The following IL13RA1 variants were observed in gnomAD, a reference collection of about 807,000 sequenced individuals.
IL13RA1 encodes interleukin-13 receptor subunit alpha-1.
IL13RA1 carries 14 observed loss-of-function variants against 33.8 expected under a neutral mutation model. The ratio of observed to expected loss-of-function variants is 0.41; its 90% confidence interval spans 0.27 to 0.65. The LOEUF (loss-of-function observed/expected upper bound fraction) is 0.65, where lower values mean the gene tolerates loss of function less well. IL13RA1 is among the 30% of genes least tolerant of loss of function. The pLI is 0.28. For synonymous variants in IL13RA1, 116 were observed against 115.7 expected (o/e 1.00, Z -0.02); for missense variants, 313 against 327.0 (o/e 0.96, Z 0.33).
intron 5 of IL13RA1, 112 bp from the exon 6 acceptor site, chrX:118,761,026 A>G (rs773663916): frequency 4.8e-6 from 2 of 420,562 alleles, no homozygotes; most frequent in South Asian, 1.2e-4. Flanking sequence ...TTTTCAGTTC[A>G]TGGTTGGTTG....
intron 1 of IL13RA1, among the ~76,000 whole-genome samples, chrX:118,736,323 G>C (rs1054811471): frequency 5.4e-5 from 6 of 110,322 alleles, no homozygotes; most frequent in Admixed American, 4.8e-4. Context: ...ATAGTTTCCT[G>C]GTTTTTTTGT....
intron 10 of IL13RA1, among the ~76,000 whole-genome samples, chrX:118,781,572 G>A (rs1017488271): frequency 1.8e-5 from 2 of 111,958 alleles, no homozygotes; most frequent in African/African-American, 3.2e-5. Flanking sequence ...GGCTGGTCTC[G>A]AACTCCTGAC....
chrX:118,803,915 TTCCTTC>T, the IL13RA1 span, among the ~76,000 whole-genome samples: 16 of 96,266 alleles, frequency 1.7e-4, no homozygotes, highest in East Asian at 3.2e-4. Flanking sequence ...CCTTCCTTCC[TTCCTTC>T]CTCTCTCTCT....
the IL13RA1 span, among the ~76,000 whole-genome samples, chrX:118,800,901 C>T: frequency 2.0e-3 from 229 of 111,828 alleles, no homozygotes; most frequent in Middle Eastern, 4.7e-3. Context: ...GTTCTCCTAC[C>T]TCAGCCTTCC....
chrX:118,741,606 G>T (rs2147369002), intron 2 of IL13RA1, among the ~76,000 whole-genome samples: 1 of 111,853 alleles, frequency 8.9e-6, no homozygotes, highest in Non-Finnish European at 1.9e-5. Context: ...AAAGTAAGTT[G>T]TCAGTGGCAG....
At chrX:118,788,005 A>T (rs2017938119) in intron 10 of IL13RA1, among the ~76,000 whole-genome samples, 1 of 112,107 alleles carries the variant, frequency 8.9e-6, no homozygotes, top group Non-Finnish European at 1.9e-5. Flanking sequence ...AAAGATAGGC[A>T]TAGGAAGTTA....
downstream of IL13RA1, among the ~76,000 whole-genome samples, chrX:118,795,243 A>G (rs1055726461): frequency 3.0e-4 from 33 of 109,834 alleles, no homozygotes; most frequent in African/African-American, 9.8e-4. Flanking sequence ...AAAAGAAAAA[A>G]AAATCAGTTT....
At chrX:118,771,221 C>CA (rs2017715961) in intron 8 of IL13RA1, among the ~76,000 whole-genome samples, 1 of 105,282 alleles carries the variant, frequency 9.5e-6, no homozygotes, top group South Asian at 4.3e-4. Context: ...TCAAATAACT[C>CA]AATCAAGATC....
the IL13RA1 span, among the ~76,000 whole-genome samples, chrX:118,802,459 T>C: frequency 8.9e-6 from 1 of 112,093 alleles, no homozygotes; most frequent in African/African-American, 3.2e-5. Context: ...TGGTAGGTTA[T>C]GTATCAACCC....
intron 10 of IL13RA1, among the ~76,000 whole-genome samples, chrX:118,781,432 A>C (rs1453340207): frequency 1.6e-4 from 18 of 111,043 alleles, no homozygotes; most frequent in African/African-American, 5.6e-4. Flanking sequence ...GGCTCACTGC[A>C]AACTTTGCCT....
chrX:118,795,237 GAAA>G (rs1168591911), downstream of IL13RA1, among the ~76,000 whole-genome samples: 43 of 94,131 alleles, frequency 4.6e-4, no homozygotes, highest in Admixed American at 1.6e-3. Flanking sequence ...AAAAGAAAAA[GAAA>G]AAAAAATCAG....
chrX:118,783,958 C>A (rs1322715391), intron 10 of IL13RA1, among the ~76,000 whole-genome samples: 1 of 101,775 alleles, frequency 9.8e-6, no homozygotes, highest in Non-Finnish European at 2.0e-5. Flanking sequence ...TGCCTGTAAT[C>A]CCAGCTACTT....
At chrX:118,796,444 C>T (rs1385163872), downstream of IL13RA1, among the ~76,000 whole-genome samples, 8 of 112,786 alleles carry the variant, frequency 7.1e-5, no homozygotes, top group Non-Finnish European at 1.5e-4. Flanking sequence ...AAAAAAACAT[C>T]TTATTTCGCA....
intron 5 of IL13RA1, among the ~76,000 whole-genome samples, chrX:118,760,923 A>G (rs1049284818): frequency 1.6e-4 from 18 of 112,492 alleles, no homozygotes; most frequent in African/African-American, 5.2e-4. Context: ...TACAATGTAA[A>G]TGCTATGTAA....
At chrX:118,730,069 CTG>C (rs1204462488) in intron 1 of IL13RA1, among the ~76,000 whole-genome samples, 9 of 112,399 alleles carry the variant, frequency 8.0e-5, no homozygotes, top group African/African-American at 2.9e-4. Flanking sequence ...CTTTAGGAGA[CTG>C]AGGCAGATGG....
intron 10 of IL13RA1, among the ~76,000 whole-genome samples, chrX:118,791,179 A>G (rs1474625609): frequency 8.9e-6 from 1 of 112,080 alleles, no homozygotes; most frequent in East Asian, 2.8e-4. Flanking sequence ...GGCTTTTACC[A>G]TAAGAGACAT....
At chrX:118,784,077 C>CAAAAA (rs376419026) in intron 10 of IL13RA1, among the ~76,000 whole-genome samples, 1 of 25,342 alleles carries the variant, frequency 3.9e-5, no homozygotes, top group Non-Finnish European at 6.3e-5. Context: ...ACTCTGTCGC[C>CAAAAA]AAAAAAAAAA....
chrX:118,776,588 G>A (rs3125163), intron 10 of IL13RA1, 77 bp downstream of exon 10: 88,664 of 371,970 alleles, frequency 0.24, 10,413 homozygotes, highest in African/African-American at 0.57. Context: ...TTTTAAAAAA[G>A]TGTGGTAAGG....
At chrX:118,750,271 C>G (rs1297185159) in intron 4 of IL13RA1, among the ~76,000 whole-genome samples, 2 of 111,133 alleles carry the variant, frequency 1.8e-5, no homozygotes, top group Non-Finnish European at 3.8e-5. Flanking sequence ...GTACACCCCT[C>G]TCCCCCAATC....
Sources: gnomAD v4.1 joint callset for allele counts (sites outside exome capture counted in the v4.1 genomes callset) on GRCh38, gnomAD v4.1.1 for gene constraint, MANE v1.5 for transcripts, NCBI Gene and HGNC (gene_info 2026-07-23, HGNC 2026-07-21) for gene names.